The following TTC6 variants were observed in gnomAD, a reference collection of about 807,000 sequenced individuals.
TTC6 encodes tetratricopeptide repeat protein 6.
TTC6 carries 172 observed loss-of-function variants against 210.4 expected under a neutral mutation model. That is an observed-to-expected ratio of 0.82 (90% CI 0.72 to 0.93). TTC6 has a LOEUF of 0.93. Among genes scored for constraint, TTC6 ranks in the 40% least tolerant of loss-of-function variants. TTC6 has a pLI of 0.00. For synonymous variants in TTC6, 804 were observed against 819.6 expected (o/e 0.98, Z 0.32); for missense variants, 2,414 against 2,318.1 (o/e 1.04, Z -0.85).
intron 29 of TTC6, among the ~76,000 whole-genome samples, chr14:37,835,436 G>C (rs548677933): frequency 6.6e-6 from 1 of 152,054 alleles, no homozygotes; most frequent in Non-Finnish European, 1.5e-5. Context: ...GGATAATTAG[G>C]ATCAAAATCT....
chr14:37,710,067 G>A (rs761966684), intron 5 of TTC6, among the ~76,000 whole-genome samples: 1 of 152,112 alleles, frequency 6.6e-6, no homozygotes, highest in Non-Finnish European at 1.5e-5. Context: ...GATTGACTTT[G>A]ATGAAACTTT....
chr14:37,608,407 C>T (rs1313317438), intron 2 of TTC6, among the ~76,000 whole-genome samples: 2 of 151,946 alleles, frequency 1.3e-5, no homozygotes, highest in Non-Finnish European at 2.9e-5. Flanking sequence ...CTTCCTGGGC[C>T]TAAGCAATCC....
chr14:37,719,336 T>C (rs1566908154), intron 6 of TTC6, among the ~76,000 whole-genome samples: 1 of 152,172 alleles, frequency 6.6e-6, no homozygotes, highest in Non-Finnish European at 1.5e-5. Context: ...GCTTTTTTTT[T>C]TGTACATGTA....
At chr14:37,797,383 T>C (rs1170014875) in intron 20 of TTC6, among the ~76,000 whole-genome samples, 2 of 152,086 alleles carry the variant, frequency 1.3e-5, no homozygotes, top group Admixed American at 6.6e-5. Context: ...ATTTATGTCT[T>C]GTGGTCTTAA....
intron 2 of TTC6, among the ~76,000 whole-genome samples, chr14:37,611,741 T>C (rs2095634941): frequency 6.6e-6 from 1 of 152,162 alleles, no homozygotes; most frequent in Non-Finnish European, 1.5e-5. Context: ...AATTTCCATC[T>C]ACCTGACCTC....
chr14:37,660,654 G>A (rs2095735511), intron 1 of TTC6, among the ~76,000 whole-genome samples: 1 of 152,178 alleles, frequency 6.6e-6, no homozygotes, highest in African/African-American at 2.4e-5. Context: ...GTGAACATTT[G>A]TGTGCATGTA....
intron 13 of TTC6, among the ~76,000 whole-genome samples, chr14:37,752,098 T>G (rs1202172262): frequency 2.6e-5 from 4 of 152,114 alleles, no homozygotes; most frequent in African/African-American, 7.2e-5. Flanking sequence ...GTGGTGGGGT[T>G]ACAGGCGTGA....
chr14:37,841,788 G>A (rs1382104010), intron 30 of TTC6, 118 bp downstream of exon 32: 13 of 839,378 alleles, frequency 1.5e-5, no homozygotes, highest in African/African-American at 3.5e-5. Context: ...AAGAATTAGT[G>A]TTTTTAGATA....
chr14:37,629,321 C>T (rs1018247723), intron 1 of TTC6, among the ~76,000 whole-genome samples: 1 of 152,136 alleles, frequency 6.6e-6, no homozygotes, highest in African/African-American at 2.4e-5. Context: ...AGGTCCTTTA[C>T]ATCCCTTCTA....
intron 14 of TTC6, among the ~76,000 whole-genome samples, chr14:37,767,090 AT>A (rs1197374792): frequency 6.6e-6 from 1 of 152,038 alleles, no homozygotes; most frequent in Non-Finnish European, 1.5e-5. Flanking sequence ...GAGAATGATG[AT>A]TTCCAATTTC....
intron 1 of TTC6, among the ~76,000 whole-genome samples, chr14:37,647,812 G>C (rs1339247950): frequency 6.6e-6 from 1 of 152,088 alleles, no homozygotes; most frequent in Non-Finnish European, 1.5e-5. Context: ...ACATGCCACT[G>C]TTAGAGGCAG....
intron 3 of TTC6, among the ~76,000 whole-genome samples, chr14:37,692,493 A>G (rs2095805740): frequency 6.6e-6 from 1 of 152,122 alleles, no homozygotes; most frequent in Non-Finnish European, 1.5e-5. Context: ...ATAAAATTCA[A>G]CATCCCGTCA....
chr14:37,607,617 C>CT (rs71433907), intron 2 of TTC6, among the ~76,000 whole-genome samples: 3,523 of 140,120 alleles, frequency 0.025, 50 homozygotes, highest in South Asian at 0.067. Flanking sequence ...AGTATTTAGT[C>CT]TTTTTTTTTT....
intron 17 of TTC6, among the ~76,000 whole-genome samples, chr14:37,794,796 G>A (rs1156652107): frequency 2.6e-5 from 4 of 151,816 alleles, no homozygotes; most frequent in African/African-American, 7.3e-5. Flanking sequence ...ATGTTGACCA[G>A]GCTGGTCTTG....
At position 37,596,440 on chromosome 14, in the gene TTC6, C is replaced by T. The variant is rs1465054741; in HGVS notation, c.-235+432C>T. Among the ~76,000 whole-genome samples, 10 of 152,238 alleles carry T rather than the reference C, an allele frequency of 6.6e-5. 1 individual carries two copies. The highest frequency in any genetic ancestry group is 1.5e-4 in the Non-Finnish European group (10 of 68,038). The stretch of plus-strand genomic sequence containing the variant: ...TGAGATCTCAGGGGCTCGCTTGGTT[C>T]CTAATCGGTCCTGGACGTCGGTGGG... On this transcript the variant is annotated intron_variant, in intron 1 of 2. Coordinates refer to the TTC6 transcript ENST00000556845.
intron 16 of TTC6, among the ~76,000 whole-genome samples, 177 bp downstream of exon 18, chr14:37,791,014 C>T (rs530839897): frequency 6.3e-4 from 96 of 152,194 alleles, no homozygotes; most frequent in African/African-American, 2.2e-3. Context: ...AAAAATAAAA[C>T]CTGTTCTCAA....
intron 14 of TTC6, among the ~76,000 whole-genome samples, chr14:37,770,303 T>C (rs1001363763): frequency 2.0e-5 from 3 of 152,200 alleles, no homozygotes; most frequent in African/African-American, 7.2e-5. Flanking sequence ...GAGAGTTCTG[T>C]AGATGTCTAT....
At chr14:37,726,134 T>C (rs2095872683) in intron 7 of TTC6, among the ~76,000 whole-genome samples, 1 of 152,188 alleles carries the variant, frequency 6.6e-6, no homozygotes, top group Admixed American at 6.5e-5. Context: ...AGCATCATTG[T>C]ACATAAATTT....
At chr14:37,756,491 A>G (rs557959802) in intron 14 of TTC6, among the ~76,000 whole-genome samples, 1 of 152,322 alleles carries the variant, frequency 6.6e-6, no homozygotes, top group Non-Finnish European at 1.5e-5. Context: ...GGTTTGTCAT[A>G]AATAGTTCTT....
Sources: allele counts gnomAD v4.1 joint callset (sites outside exome capture counted in the v4.1 genomes callset), GRCh38; gene constraint gnomAD v4.1.1; transcripts MANE v1.5; gene names NCBI Gene and HGNC (gene_info 2026-07-23, HGNC 2026-07-21).